Variants in SIN3A observed in about 807,000 individuals in gnomAD.
The protein encoded by SIN3A is SIN3 transcription regulator family member A, also known as paired amphipathic helix protein Sin3a.
SIN3A carries 14 observed loss-of-function variants against 146.1 expected under a neutral mutation model. The observed-to-expected ratio is 0.10, with a 90% CI of 0.06 to 0.15. The LOEUF (loss-of-function observed/expected upper bound fraction) is 0.15, where lower values mean the gene tolerates loss of function less well. Among genes scored for constraint, SIN3A ranks in the 10% least tolerant of loss-of-function variants. The probability of loss-of-function intolerance (pLI) is 1.00; values close to 1 mark genes in which losing one functional copy is unlikely to be tolerated. For synonymous variants in SIN3A, 572 were observed against 572.0 expected (o/e 1.00, Z 0.00); for missense variants, 1,028 against 1,576.0 (o/e 0.65, Z 5.89).
intron 1 of SIN3A, among the ~76,000 whole-genome samples, chr15:75,448,762 A>G (rs1443203826): frequency 2.0e-5 from 3 of 152,184 alleles, no homozygotes; most frequent in African/African-American, 7.2e-5. Context: ...ATTCCCAGGT[A>G]CTAACATCTG....
intron 5 of SIN3A, among the ~76,000 whole-genome samples, chr15:75,412,226 G>C (rs1480165338): frequency 1.3e-5 from 2 of 152,236 alleles, no homozygotes; most frequent in Non-Finnish European, 2.9e-5. Flanking sequence ...CTGAGCACTT[G>C]AAAGCTAGTG....
At chr15:75,375,465 C>T (rs2072837179) in intron 20 of SIN3A, among the ~76,000 whole-genome samples, 200 bp downstream of exon 20, 1 of 152,194 alleles carries the variant, frequency 6.6e-6, no homozygotes. Flanking sequence ...CTAGTCTCCA[C>T]AACTTTTGTC....
intron 1 of SIN3A, chr15:75,443,756 A>G (rs1411497070): frequency 3.3e-5 from 5 of 152,176 alleles, no homozygotes; most frequent in Admixed American, 2.0e-4. Flanking sequence ...GGGAAAAGCA[A>G]TAAGAAAACT....
In SIN3A at chr15:75,392,616, G is replaced by C. The variant is rs551685122; in HGVS notation, c.2477C>G (p.Ala826Gly). Residue 826 changes from alanine (A) to glycine (G), a missense_variant, in exon 15 of 21, where the codon GCC (alanine) becomes GGC (glycine). Ala to Gly is a moderately conservative substitution (Grantham distance 60). Around this residue, in one of 9 missense-constraint regions of SIN3A, gnomAD observed 488 missense variants for 690.2 expected, o/e 0.71. Transcript: ENST00000394947. ...MHHFIPDLLF[A>G]QRGDLSDVEE... ...CACATCTGAGAGATCACCTCTTTGG[G>C]CAAAGAGCAAATCTGGAATAAAATG... is the stretch of plus-strand genomic sequence containing the variant. 1.2e-5 allele frequency: 19 copies of C among 1,614,018 alleles called. No individual in the cohort carries two copies. In the African/African-American group the frequency reaches 2.4e-4, roughly 20 times the overall value.
Position 75,384,295 on chromosome 15 carries a change from T to C in SIN3A, c.3164A>G (p.Glu1055Gly), listed in dbSNP as rs1178112879. Residue 1055 changes from glutamate (E) to glycine (G), a missense_variant, in exon 17 of 21, where the codon GAG becomes GGG. Transcript: ENST00000394947. ...GCAATTCTCATCTGACATTAGCTGC[T>C]CAGCTTTCCGCTGATACGTTGACTC... is the stretch of plus-strand genomic sequence containing the variant. ...LLESTYQRKAEQLMSDENCFK... is the reference protein window; with the variant it reads ...LLESTYQRKAGQLMSDENCFK... 1.2e-6 allele frequency: 2 copies of C among 1,613,062 alleles called. No individual in the cohort carries two copies. The highest frequency in any genetic ancestry group is 1.7e-6 in the Non-Finnish European group (2 of 1,179,526).
upstream of SIN3A, chr15:75,455,572 AACAC>A (rs1004089735): frequency 1.3e-5 from 2 of 152,416 alleles, no homozygotes; most frequent in Admixed American, 6.6e-5. Flanking sequence ...CAGGCTGGGA[AACAC>A]ACACACTGGC....
intron 19 of SIN3A, 75 bp from the exon 20 acceptor site, chr15:75,375,947 C>T (rs1484764406): frequency 1.4e-6 from 2 of 1,425,704 alleles, no homozygotes; most frequent in African/African-American, 1.4e-5. Context: ...AGTGAGTTTT[C>T]TTTATTATAT....
chr15:75,451,099 G>A (rs1395459536), intron 1 of SIN3A, among the ~76,000 whole-genome samples: 2 of 151,094 alleles, frequency 1.3e-5, no homozygotes, highest in Non-Finnish European at 3.0e-5. Flanking sequence ...AGGGGAGGGG[G>A]TGGTCGGCCG....
chr15:75,406,571 T>C (rs900981668), intron 9 of SIN3A, among the ~76,000 whole-genome samples: 4 of 151,996 alleles, frequency 2.6e-5, no homozygotes, highest in South Asian at 2.1e-4. Flanking sequence ...CCTGTAGTCC[T>C]AGCTACTCGG....
chr15:75,402,411 C>T (rs534349949), intron 9 of SIN3A, among the ~76,000 whole-genome samples: 11 of 151,806 alleles, frequency 7.2e-5, no homozygotes, highest in Non-Finnish European at 1.3e-4. Flanking sequence ...ACTTGGGTGG[C>T]TGAGTGAAAC....
intron 3 of SIN3A, chr15:75,422,294 C>T (rs573727068): frequency 6.4e-6 from 3 of 470,430 alleles, no homozygotes; most frequent in Admixed American, 7.2e-5. Context: ...GGCCAATTTA[C>T]TGTACTAACC....
rs542916320 is a variant in SIN3A at position 75,377,402 on chromosome 15, A to T, written c.3384-1530T>A. Among the ~76,000 whole-genome samples, 8 of 152,252 alleles carry T rather than the reference A, an allele frequency of 5.3e-5. No homozygotes were observed. The East Asian group carries it at 1.5e-3, about 29-fold the overall frequency. On this transcript the variant is annotated intron_variant, in intron 19 of 20. Transcript: ENST00000394947. ...CACTCTGGGAGGCTGAGGCAGGCAG[A>T]TCACTTGAGGTCAGGAGTTTGAGAC...
At chr15:75,381,093 A>G (rs1234767357) in intron 18 of SIN3A, 1 of 176,664 alleles carries the variant, frequency 5.7e-6, no homozygotes, top group East Asian at 1.5e-4. Flanking sequence ...GCTTAAAAAA[A>G]AAAAAAAAAA....
intron 20 of SIN3A, among the ~76,000 whole-genome samples, chr15:75,373,460 A>G (rs1229477018): frequency 6.6e-6 from 1 of 152,102 alleles, no homozygotes; most frequent in Non-Finnish European, 1.5e-5. Flanking sequence ...AGACAGCAAA[A>G]ACAACCCCTC....
intron 20 of SIN3A, among the ~76,000 whole-genome samples, chr15:75,374,043 T>C (rs2072808128): frequency 6.6e-6 from 1 of 152,186 alleles, no homozygotes; most frequent in Admixed American, 6.5e-5. Context: ...CCAAACCTCA[T>C]AACCCTTTCC....
chr15:75,448,993 G>T (rs191244691), intron 1 of SIN3A, among the ~76,000 whole-genome samples: 9 of 152,256 alleles, frequency 5.9e-5, no homozygotes, highest in Admixed American at 4.6e-4. Flanking sequence ...ATAATTATCT[G>T]GAGATTATGA....
At chr15:75,449,404 T>C (rs2074361511) in intron 1 of SIN3A, among the ~76,000 whole-genome samples, 1 of 152,212 alleles carries the variant, frequency 6.6e-6, no homozygotes, top group Non-Finnish European at 1.5e-5. Context: ...CATTACTGCA[T>C]AAATAAACAT....
At chr15:75,384,534 G>C (rs1338152239) in intron 16 of SIN3A, 97 bp from the exon 17 acceptor site, 1 of 202,254 alleles carries the variant, frequency 4.9e-6, no homozygotes, top group African/African-American at 3.3e-5. Flanking sequence ...ACTCCAAAAA[G>C]GTTTTTCTTT....
chr15:75,425,791 ACTTT>A (rs2073914320), intron 2 of SIN3A, among the ~76,000 whole-genome samples: 1 of 152,196 alleles, frequency 6.6e-6, no homozygotes, highest in Non-Finnish European at 1.5e-5. Flanking sequence ...ATAACATGAA[ACTTT>A]CTTTCTCTAA....
Sources: gnomAD v4.1 joint callset for allele counts (sites outside exome capture counted in the v4.1 genomes callset) on GRCh38, gnomAD v4.1.1 for gene constraint, gnomAD v4.1.1 regional missense constraint, MANE v1.5 for transcripts, NCBI Gene and HGNC (gene_info 2026-07-23, HGNC 2026-07-21) for gene names.